UBE2E1: variants seen among roughly 807,000 people sequenced by gnomAD.
UBE2E1 encodes the protein ubiquitin conjugating enzyme E2 E1, also known as ubiquitin-conjugating enzyme E2 E1.
UBE2E1 carries 6 observed loss-of-function variants against 21.4 expected under a neutral mutation model. The observed-to-expected ratio is 0.28, with a 90% CI of 0.15 to 0.55. The LOEUF is 0.55. Ranked by LOEUF, UBE2E1 falls within the 20% of genes least tolerant of loss-of-function variation. The pLI is 0.93. For synonymous variants in UBE2E1, 87 were observed against 82.7 expected (o/e 1.05, Z -0.28); for missense variants, 142 against 236.5 (o/e 0.60, Z 2.62).
intron 3 of UBE2E1, among the ~76,000 whole-genome samples, chr3:23,846,891 G>T (rs553317721): frequency 1.3e-5 from 2 of 151,056 alleles, no homozygotes; most frequent in African/African-American, 4.9e-5. Flanking sequence ...TTTTTAAATC[G>T]ATTTATCAAG....
chr3:23,871,168 G>A (rs1056450028), intron 3 of UBE2E1, among the ~76,000 whole-genome samples: 22 of 152,076 alleles, frequency 1.4e-4, no homozygotes, highest in Non-Finnish European at 2.8e-4. Flanking sequence ...TTGTCATCAT[G>A]GCCCGTTCTC....
chr3:23,884,756 A>T (rs1196346623), intron 3 of UBE2E1, among the ~76,000 whole-genome samples: 1 of 152,134 alleles, frequency 6.6e-6, no homozygotes, highest in African/African-American at 2.4e-5. Flanking sequence ...GCAGCTTGGA[A>T]TATTGTCAGT....
rs568694476 is a variant in UBE2E1 at position 23,816,117 on chromosome 3, G to A, written c.203+4607G>A. Among the ~76,000 whole-genome samples, 21 of 152,202 alleles carry A rather than the reference G, an allele frequency of 1.4e-4. No homozygotes were observed. The highest frequency in any genetic ancestry group is 1.9e-4 in the Non-Finnish European group (13 of 68,004). The stretch of plus-strand genomic sequence containing the variant: ...TTGTGTTTACCAAAAGACTATATCT[G>A]GATTGTAAAACTGTACTATTGTTAT... On this transcript the variant is annotated intron_variant, in intron 3 of 5. Coordinates refer to ENST00000306627, the MANE Select transcript of UBE2E1 (RefSeq NM_003341.5). This position sits in a 1 kb window ranked among gnomAD's most constrained non-coding sequence, Gnocchi z 4.8.
intron 3 of UBE2E1, among the ~76,000 whole-genome samples, chr3:23,815,564 C>G (rs1348824730): frequency 6.6e-6 from 1 of 152,186 alleles, no homozygotes; most frequent in African/African-American, 2.4e-5. Flanking sequence ...TTCTGGCATT[C>G]CAATACCTCC....
intron 3 of UBE2E1, among the ~76,000 whole-genome samples, chr3:23,821,311 TAGGAA>T (rs1213883041): frequency 1.3e-5 from 2 of 152,064 alleles, no homozygotes; most frequent in Admixed American, 1.3e-4. Context: ...ACCTAAAAGA[TAGGAA>T]AGGAAATGGC....
chr3:23,874,103 T>C (rs1170692278), intron 3 of UBE2E1, among the ~76,000 whole-genome samples: 1 of 152,162 alleles, frequency 6.6e-6, no homozygotes, highest in Non-Finnish European at 1.5e-5. Flanking sequence ...GAGTTTGAGA[T>C]TGGCAGCAGT....
chr3:23,867,080 T>C (rs923735106), intron 3 of UBE2E1, among the ~76,000 whole-genome samples: 8 of 151,088 alleles, frequency 5.3e-5, no homozygotes, highest in African/African-American at 1.9e-4. Flanking sequence ...TTTTTTTTTT[T>C]CTCTTTGTTT....
chr3:23,836,880 A>G lies in UBE2E1; in HGVS notation c.203+25370A>G, dbSNP rs1398559212. 6.6e-6 allele frequency among the ~76,000 whole-genome samples: 1 copy of G among 152,186 alleles called. No homozygotes were observed. On this transcript the variant is annotated intron_variant, in intron 3 of 5. Transcript: ENST00000306627. This position sits in a 1 kb window ranked among gnomAD's most constrained non-coding sequence, Gnocchi z 4.1. ...TCTCTTTGTGCTAGATGGTGGCATC[A>G]CTCATGATGAAGAAGATAAAGCTCT...
In UBE2E1 at chr3:23,890,640, G is replaced by C. The variant is rs530810725; in HGVS notation, c.*34G>C. The C allele has an allele frequency of 1.3e-6, 2 of 1,583,392 alleles. No homozygotes were observed. The highest frequency in any genetic ancestry group is 1.7e-6 in the Non-Finnish European group (2 of 1,157,706). Reference sequence around the variant, plus strand: ...TTCACAATTCTTACATTATTTGTCTGTCACAGAAGAGAGCTGCTTATGATT... The same window carrying C: ...TTCACAATTCTTACATTATTTGTCTCTCACAGAAGAGAGCTGCTTATGATT... On this transcript the variant is annotated 3_prime_UTR_variant, in exon 6 of 6. Coordinates refer to ENST00000306627, the MANE Select transcript of UBE2E1 (RefSeq NM_003341.5).
At chr3:23,879,935 TAGAA>T (rs1365014235) in intron 3 of UBE2E1, among the ~76,000 whole-genome samples, 7 of 152,348 alleles carry the variant, frequency 4.6e-5, no homozygotes, top group Non-Finnish European at 7.4e-5. Context: ...ATTCATTTGA[TAGAA>T]AGATACTTTT....
At chr3:23,860,220 T>C (rs1040555318) in intron 3 of UBE2E1, among the ~76,000 whole-genome samples, 1 of 152,224 alleles carries the variant, frequency 6.6e-6, no homozygotes, top group Non-Finnish European at 1.5e-5. Context: ...ATGAACGTTC[T>C]GACCCGCTCA....
In UBE2E1 at chr3:23,887,354, A is replaced by T. The variant is rs1243853082; in HGVS notation, c.204-213A>T. On this transcript the variant is annotated intron_variant, in intron 3 of 5. Coordinates refer to ENST00000306627, the MANE Select transcript of UBE2E1 (RefSeq NM_003341.5). The surrounding 1 kb of genome is among the most constrained non-coding windows in gnomAD (Gnocchi z 4.4). ...TGCTTATTCGTAGCTAGGTAGGCTT[A>T]GAATGGTTTTAACATTCTTTTATCA... Among the ~76,000 whole-genome samples the T allele has an allele frequency of 6.6e-6, 1 of 152,246 alleles. No individual in the cohort carries two copies. The highest frequency in any genetic ancestry group is 1.5e-5 in the Non-Finnish European group (1 of 68,038).
chr3:23,882,114 G>C (rs760085049), intron 3 of UBE2E1, among the ~76,000 whole-genome samples: 6 of 152,236 alleles, frequency 3.9e-5, no homozygotes, highest in Admixed American at 6.5e-5. Flanking sequence ...AGCTTCCACA[G>C]TGTCAAAGGG....
At position 23,851,846 on chromosome 3, in the gene UBE2E1, C is replaced by T. The variant is rs183166695; in HGVS notation, c.204-35721C>T. On this transcript the variant is annotated intron_variant, in intron 3 of 5. Coordinates refer to ENST00000306627, the MANE Select transcript of UBE2E1 (RefSeq NM_003341.5). ...TCTGTACAGTTTGGATGTTTGTCCC[C>T]TCCAAATCCTGTGTTGAAATGTGAT... is the stretch of plus-strand genomic sequence containing the variant. 3.3e-5 allele frequency among the ~76,000 whole-genome samples: 5 copies of T among 152,202 alleles called. No individual in the cohort carries two copies. In the East Asian group the frequency reaches 9.7e-4, roughly 29 times the overall value.
At chr3:23,873,257 T>G (rs1228794100) in intron 3 of UBE2E1, among the ~76,000 whole-genome samples, 1 of 152,160 alleles carries the variant, frequency 6.6e-6, no homozygotes, top group Non-Finnish European at 1.5e-5. Flanking sequence ...TGGGGCTCCC[T>G]TGAAAGGGTC....
chr3:23,807,365 G>C lies in UBE2E1; in HGVS notation c.96G>C (p.Lys32Asn), dbSNP rs758101921. 3.1e-6 allele frequency: 5 copies of C among 1,613,850 alleles called. No individual in the cohort carries two copies. Among genetic ancestry groups the C allele is most frequent in the Non-Finnish European group, 4.2e-6 (5 of 1,179,914 alleles). ...TEKETNTPKKKESKVSMSKNS... is the reference protein window; with the variant it reads ...TEKETNTPKKNESKVSMSKNS... ...AAGAAACAAACACCCCCAAGAAGAA[G>C]GAGAGTAAAGTCAGCATGAGCAAAA... Residue 32 changes from lysine (K) to asparagine (N), a missense_variant, in exon 2 of 6, where the codon AAG becomes AAC. By Grantham distance (94) the Lys-to-Asn change is moderately conservative. This residue lies in a region of UBE2E1 where 55 missense variants were observed against 51.5 expected (regional missense o/e 1.07). Transcript: ENST00000306627.
chr3:23,861,045 A>G (rs1700544253), intron 3 of UBE2E1, among the ~76,000 whole-genome samples: 1 of 152,236 alleles, frequency 6.6e-6, no homozygotes, highest in African/African-American at 2.4e-5. Context: ...ATTTAACAAT[A>G]CCGCAGGGAG....
In UBE2E1 at chr3:23,842,359, A is replaced by C. The variant is rs1017248521; in HGVS notation, c.203+30849A>C. Among the ~76,000 whole-genome samples the C allele has an allele frequency of 5.3e-5, 8 of 151,472 alleles. No individual in the cohort carries two copies. The highest frequency in any genetic ancestry group is 9.7e-5 in the African/African-American group (4 of 41,156). On this transcript the variant is annotated intron_variant, in intron 3 of 5. Coordinates refer to ENST00000306627, the MANE Select transcript of UBE2E1 (RefSeq NM_003341.5). The surrounding 1 kb of genome is among the most constrained non-coding windows in gnomAD (Gnocchi z 4.6). ...CCTCATGGGCTCAGGCAGTCCTCCC[A>C]CCTCGCCTCCTGAGTAGCTGGGATG...
chr3:23,885,233 T>C (rs1701154378), intron 3 of UBE2E1, among the ~76,000 whole-genome samples: 1 of 152,192 alleles, frequency 6.6e-6, no homozygotes, highest in South Asian at 2.1e-4. Flanking sequence ...TTCATGAGGA[T>C]TTCTACCCCC....
Sources: allele counts gnomAD v4.1 joint callset (sites outside exome capture counted in the v4.1 genomes callset), GRCh38; gene constraint gnomAD v4.1.1; regional missense constraint gnomAD v4.1.1; non-coding constraint Gnocchi (gnomAD v3.1); transcripts MANE v1.5; gene names NCBI Gene and HGNC (gene_info 2026-07-23, HGNC 2026-07-21).